The following DOCK7 variants were observed in gnomAD, a reference collection of about 807,000 sequenced individuals.
DOCK7 encodes dedicator of cytokinesis protein 7.
Under a neutral mutation model 271.0 loss-of-function variants are expected in DOCK7, and 138 were observed. That is an observed-to-expected ratio of 0.51 (90% CI 0.44 to 0.59). DOCK7 has a LOEUF of 0.59. Ranked by LOEUF, DOCK7 falls within the 20% of genes least tolerant of loss-of-function variation. The probability of loss-of-function intolerance (pLI) is 0.00; values close to 1 mark genes in which losing one functional copy is unlikely to be tolerated. For synonymous variants in DOCK7, 823 were observed against 876.1 expected, an observed-to-expected ratio of 0.94 and a Z score of 1.07; for missense variants, 2,066 against 2,592.4, an observed-to-expected ratio of 0.80 and a Z score of 4.41.
Position 62,662,239 on chromosome 1 carries a change from A to G in DOCK7, c.144+786T>C, listed in dbSNP as rs554415860. ...GGTATGTTTTTAATTCATATTTCTAATATAATAAATATTAGTTTTTATCAA... is the reference window on the plus strand; with the variant it reads ...GGTATGTTTTTAATTCATATTTCTAGTATAATAAATATTAGTTTTTATCAA... On this transcript the variant is annotated intron_variant, in intron 2 of 49. Transcript: ENST00000635253. Among the ~76,000 whole-genome samples, 42 of 152,226 alleles carry G rather than the reference A, an allele frequency of 2.8e-4. 1 individual carries two copies. The South Asian group carries it at 8.3e-3, about 30-fold the overall frequency.
intron 34 of DOCK7, 97 bp from the exon 35 acceptor site, chr1:62,508,155 T>G: frequency 9.4e-7 from 1 of 1,066,956 alleles, no homozygotes; most frequent in South Asian, 1.8e-5. Context: ...TTTCAAACCA[T>G]TTTCAATATT....
intron 14 of DOCK7, among the ~76,000 whole-genome samples, chr1:62,601,357 T>C (rs1030571977): frequency 3.3e-5 from 5 of 151,682 alleles, no homozygotes; most frequent in Non-Finnish European, 7.4e-5. Context: ...ATAAAAGACA[T>C]ACCTAAGACA....
chr1:62,561,740 AG>A lies in DOCK7; in HGVS notation c.2113-38del, dbSNP rs5774610. 0.99 allele frequency: 1,309,891 copies of A among 1,317,018 alleles called. 651,694 individuals are homozygous for A. Among genetic ancestry groups the A allele is most frequent in the East Asian group, 1 (38,597 of 38,598 alleles). 81.6% of individuals were successfully genotyped at this position (1,317,018 alleles called of 1,614,324 possible). A position where few individuals can be genotyped will look rare whatever the true frequency, so the allele number is the denominator to read the frequency against. On this transcript the variant is annotated intron_variant, in intron 18 of 49. Coordinates refer to ENST00000635253, the MANE Select transcript of DOCK7 (RefSeq NM_001367561.1). ...TAAATATAATGATCACAGATGCTTA[AG>A]TAGATTATGAACTCTGAAAATAAAC...
intron 6 of DOCK7, 100 bp downstream of exon 6, chr1:62,648,006 G>A: frequency 8.9e-7 from 1 of 1,124,708 alleles, no homozygotes; most frequent in Non-Finnish European, 1.3e-6. Flanking sequence ...AGCTGTTTCA[G>A]TTGCTTTATC....
chr1:62,524,410 A>T (rs1032260322), intron 31 of DOCK7, among the ~76,000 whole-genome samples: 3 of 152,218 alleles, frequency 2.0e-5, no homozygotes, highest in Non-Finnish European at 4.4e-5. Flanking sequence ...TGCAGGATAT[A>T]TATAAAAGAA....
At chr1:62,464,101 C>T (rs1167254031) in intron 48 of DOCK7, among the ~76,000 whole-genome samples, 1 of 151,974 alleles carries the variant, frequency 6.6e-6, no homozygotes, top group Non-Finnish European at 1.5e-5. Flanking sequence ...GCTCTGTCAC[C>T]CAGTCTGGAG....
intron 34 of DOCK7, among the ~76,000 whole-genome samples, chr1:62,509,311 T>TTA (rs1193219431): frequency 8.6e-5 from 1 of 11,608 alleles, no homozygotes; most frequent in Non-Finnish European, 2.3e-4. Context: ...AGATCTTGTC[T>TTA]CAAAAAAAAA....
chr1:62,604,316 A>T, intron 14 of DOCK7: 3 of 1,538,456 alleles, frequency 2.0e-6, no homozygotes, highest in Non-Finnish European at 2.7e-6. Flanking sequence ...CTGCAATGAC[A>T]ACTTTTAAAA....
Position 62,625,923 on chromosome 1 carries a change from G to T in DOCK7, c.1283-522C>A, listed in dbSNP as rs368393097. Among the ~76,000 whole-genome samples the T allele has an allele frequency of 2.0e-5, 3 of 152,210 alleles. No individual in the cohort carries two copies. The East Asian group carries it at 5.8e-4, about 29-fold the overall frequency. ...TTTACACTACACTAAAGTACACTAA[G>T]CAAGAGCAGAATATACATTCTTGTC... is the stretch of plus-strand genomic sequence containing the variant. On this transcript the variant is annotated intron_variant, in intron 11 of 49. Coordinates refer to ENST00000635253, the MANE Select transcript of DOCK7 (RefSeq NM_001367561.1).
At chr1:62,639,708 C>T (rs1441619077) in intron 7 of DOCK7, among the ~76,000 whole-genome samples, 4 of 151,762 alleles carry the variant, frequency 2.6e-5, no homozygotes, top group South Asian at 2.1e-4. Flanking sequence ...GGATTACAGG[C>T]GTGAGCCACC....
chr1:62,479,362 A>C (rs983630598), intron 43 of DOCK7, among the ~76,000 whole-genome samples: 2 of 152,190 alleles, frequency 1.3e-5, no homozygotes. Flanking sequence ...ATTTGGAGCT[A>C]AAGAAAGTTG....
At chr1:62,583,796 T>C (rs893429874) in intron 15 of DOCK7, among the ~76,000 whole-genome samples, 1 of 152,156 alleles carries the variant, frequency 6.6e-6, no homozygotes, top group Non-Finnish European at 1.5e-5. Context: ...TTTTTGCATA[T>C]ATATATATTT....
intron 33 of DOCK7, chr1:62,511,433 T>G (rs1453318024): frequency 6.6e-6 from 1 of 152,156 alleles, no homozygotes; most frequent in African/African-American, 2.4e-5. Context: ...ATGGACTCAG[T>G]CATAATTTCA....
At position 62,457,607 on chromosome 1, in the gene DOCK7, G is replaced by C. The variant is rs2149219497; in HGVS notation, c.6311C>G (p.Ala2104Gly). Residue 2104 changes from alanine (A) to glycine (G), a missense_variant, in exon 49 of 50, where the codon GCC becomes GGC. Coordinates refer to ENST00000635253, the MANE Select transcript of DOCK7 (RefSeq NM_001367561.1). ...CTTTCTGTTGATCAGTGGCTGTAGG[G>C]CCTCTTTAAGGCGATGATAGTTTCT... is the stretch of plus-strand genomic sequence containing the variant. ...LERNYHRLKE[A>G]LQPLINRKIP... The C allele has an allele frequency of 6.2e-7, 1 of 1,614,112 alleles. No homozygotes were observed. The highest frequency in any genetic ancestry group is 1.1e-5 in the South Asian group (1 of 91,070).
intron 18 of DOCK7, among the ~76,000 whole-genome samples, chr1:62,563,961 A>G (rs755003187): frequency 4.0e-5 from 6 of 151,750 alleles, no homozygotes; most frequent in Non-Finnish European, 7.4e-5. Context: ...ACAAAGATCA[A>G]CAGAGACAAA....
intron 18 of DOCK7, among the ~76,000 whole-genome samples, chr1:62,570,937 C>T (rs1289182112): frequency 1.3e-5 from 2 of 151,966 alleles, no homozygotes; most frequent in Non-Finnish European, 2.9e-5. Flanking sequence ...TGTAAAACCC[C>T]AAACTATACA....
chr1:62,566,255 A>G (rs908344771), intron 18 of DOCK7, among the ~76,000 whole-genome samples: 4 of 152,196 alleles, frequency 2.6e-5, no homozygotes, highest in African/African-American at 9.7e-5. Flanking sequence ...CATAAGCAAA[A>G]AGAACAAAGC....
chr1:62,475,001 A>G (rs1308983113), intron 47 of DOCK7, among the ~76,000 whole-genome samples: 1 of 152,248 alleles, frequency 6.6e-6, no homozygotes, highest in African/African-American at 2.4e-5. Flanking sequence ...TAAAGATCAC[A>G]TTCTTTTGTA....
chr1:62,537,343 A>T (rs1386321984), intron 28 of DOCK7, among the ~76,000 whole-genome samples: 4 of 152,090 alleles, frequency 2.6e-5, no homozygotes, highest in Non-Finnish European at 5.9e-5. Context: ...AGCACTTTTG[A>T]GAGGCCGAGG....
Sources: allele counts gnomAD v4.1 joint callset (sites outside exome capture counted in the v4.1 genomes callset), GRCh38; gene constraint gnomAD v4.1.1; transcripts MANE v1.5; gene names NCBI Gene and HGNC (gene_info 2026-07-23, HGNC 2026-07-21).